The following NDUFAF2 variants were observed in gnomAD, a reference collection of about 807,000 sequenced individuals.
The protein encoded by NDUFAF2 is NADH dehydrogenase [ubiquinone] 1 alpha subcomplex assembly factor 2.
A neutral mutation model predicts 22.8 loss-of-function variants in NDUFAF2; 13 were observed. That is an observed-to-expected ratio of 0.57 (90% CI 0.37 to 0.91). The LOEUF is 0.91. Among genes scored for constraint, NDUFAF2 ranks in the 40% least tolerant of loss-of-function variants. The probability of loss-of-function intolerance (pLI) is 0.01; values close to 1 mark genes in which losing one functional copy is unlikely to be tolerated. For missense variants in NDUFAF2, 162 were observed against 195.2 expected, an observed-to-expected ratio of 0.83 and a Z score of 1.01; for synonymous variants, 53 against 64.2, an observed-to-expected ratio of 0.83 and a Z score of 0.84.
At chr5:61,000,842 G>A (rs933669568) in intron 1 of NDUFAF2, among the ~76,000 whole-genome samples, 3 of 152,264 alleles carry the variant, frequency 2.0e-5, no homozygotes, top group African/African-American at 7.2e-5. Context: ...CTCCACTCAT[G>A]TTAGTATAAG....
chr5:60,947,103 A>G (rs1217948593), intron 1 of NDUFAF2, among the ~76,000 whole-genome samples: 1 of 152,170 alleles, frequency 6.6e-6, no homozygotes, highest in Admixed American at 6.5e-5. Flanking sequence ...GATTTGTGTG[A>G]ACGTAAGTTT....
intron 1 of NDUFAF2, among the ~76,000 whole-genome samples, chr5:60,966,752 T>C (rs560481734): frequency 1.8e-4 from 28 of 152,106 alleles, no homozygotes; most frequent in East Asian, 7.7e-4. Context: ...TTTAGCCTTA[T>C]AGTAGATTTT....
At chr5:60,988,027 T>C (rs779255031) in intron 1 of NDUFAF2, among the ~76,000 whole-genome samples, 1 of 152,138 alleles carries the variant, frequency 6.6e-6, no homozygotes, top group Non-Finnish European at 1.5e-5. Context: ...GAAAACCCCA[T>C]ACTCCTGGCC....
chr5:61,078,234 T>TTA (rs1752393918), intron 2 of NDUFAF2, among the ~76,000 whole-genome samples: 1 of 149,916 alleles, frequency 6.7e-6, no homozygotes. Context: ...GATCCTTACC[T>TTA]TATTCATTTT....
rs896380815 is a variant in NDUFAF2 at position 60,979,762 on chromosome 5, A to G, written c.127+34380A>G. 3.3e-5 allele frequency among the ~76,000 whole-genome samples: 5 copies of G among 152,328 alleles called. No homozygotes were observed. In the South Asian group the frequency reaches 1.0e-3, roughly 32 times the overall value. ...CTTGCTCCCCTGAAGCAAACAGGAC[A>G]TAAGCCTGGCTGGATTTGTCACCTG... is the stretch of plus-strand genomic sequence containing the variant. On this transcript the variant is annotated intron_variant, in intron 1 of 3. Transcript: ENST00000296597.
chr5:61,146,747 C>A (rs1355100103), intron 3 of NDUFAF2, among the ~76,000 whole-genome samples: 1 of 152,148 alleles, frequency 6.6e-6, no homozygotes, highest in Non-Finnish European at 1.5e-5. Flanking sequence ...ATTTTCTCTT[C>A]TCCTTCCATG....
intron 2 of NDUFAF2, among the ~76,000 whole-genome samples, chr5:61,074,892 G>A (rs948676709): frequency 7.2e-5 from 11 of 152,332 alleles, no homozygotes; most frequent in African/African-American, 2.6e-4. Flanking sequence ...AGGCGAAGGG[G>A]AGGCAAGCAC....
At chr5:61,013,085 A>G (rs558960897) in intron 1 of NDUFAF2, among the ~76,000 whole-genome samples, 34 of 152,240 alleles carry the variant, frequency 2.2e-4, no homozygotes, top group Middle Eastern at 3.4e-3. Context: ...AATTATCTTC[A>G]TATTGGGGTA....
intron 1 of NDUFAF2, among the ~76,000 whole-genome samples, chr5:61,008,639 G>T (rs79395790): frequency 0.024 from 3,717 of 152,190 alleles, 159 homozygotes; most frequent in African/African-American, 0.083. Flanking sequence ...AGGGCTTGGT[G>T]TATCAGTATT....
chr5:60,964,721 G>T (rs1039086067), intron 1 of NDUFAF2, among the ~76,000 whole-genome samples: 2 of 151,972 alleles, frequency 1.3e-5, no homozygotes, highest in African/African-American at 2.4e-5. Flanking sequence ...CAAAGCGCTG[G>T]GATTACAGGT....
At chr5:61,090,160 C>T (rs1323338713) in intron 2 of NDUFAF2, among the ~76,000 whole-genome samples, 1 of 151,874 alleles carries the variant, frequency 6.6e-6, no homozygotes, top group East Asian at 1.9e-4. Context: ...AGTGTTTTTG[C>T]ATCAAAATAT....
chr5:60,971,143 C>G lies in NDUFAF2; in HGVS notation c.127+25761C>G, dbSNP rs532484062. ...GAATCACAACCTCTATTTCTTTTTT[C>G]GTTTTTTTTTTAAATTGTACTTTAA... On this transcript the variant is annotated intron_variant, in intron 1 of 3. Coordinates refer to ENST00000296597, the MANE Select transcript of NDUFAF2 (RefSeq NM_174889.5). Among the ~76,000 whole-genome samples the G allele has an allele frequency of 6.4e-4, 61 of 96,058 alleles. No individual in the cohort carries two copies. The South Asian group carries it at 0.014, about 22-fold the overall frequency. The allele number at this position is 96,058 out of a possible 152,430, so 63.0% of individuals were successfully genotyped here.
At chr5:60,952,469 C>T (rs921126774) in intron 1 of NDUFAF2, among the ~76,000 whole-genome samples, 1 of 151,720 alleles carries the variant, frequency 6.6e-6, no homozygotes, top group African/African-American at 2.4e-5. Flanking sequence ...GAAGTATGTT[C>T]TTTACAAATA....
intron 1 of NDUFAF2, among the ~76,000 whole-genome samples, chr5:60,954,162 C>G (rs766335562): frequency 2.2e-4 from 34 of 152,194 alleles, no homozygotes; most frequent in Non-Finnish European, 4.9e-4. Flanking sequence ...TGTCTCTGGT[C>G]CCAAGTCATT....
chr5:61,061,755 G>A (rs74950405), intron 1 of NDUFAF2, among the ~76,000 whole-genome samples: 2,055 of 152,306 alleles, frequency 0.013, 22 homozygotes, highest in Non-Finnish European at 0.02. Context: ...GGATCCCAGT[G>A]CTGCCTTGGC....
At chr5:61,001,544 T>C (rs929573486) in intron 1 of NDUFAF2, among the ~76,000 whole-genome samples, 2 of 152,154 alleles carry the variant, frequency 1.3e-5, no homozygotes, top group Non-Finnish European at 2.9e-5. Context: ...ACAGAGTTTG[T>C]CTTTAAGATA....
rs141446715 is a variant in NDUFAF2, at chr5:61,009,323, G to T, written c.128-63802G>T. On this transcript the variant is annotated intron_variant, in intron 1 of 3. Transcript: ENST00000296597. ...GCATTTAATTTGCTATTGTGCACTG[G>T]AATTCTCCAAGAGGGAAAGTAGAGG... 1.4e-3 allele frequency among the ~76,000 whole-genome samples: 217 copies of T among 152,116 alleles called. 1 individual carries two copies. The highest frequency in any genetic ancestry group is 5.0e-3 in the African/African-American group (209 of 41,530).
intron 1 of NDUFAF2, among the ~76,000 whole-genome samples, chr5:60,991,456 C>A (rs1339024264): frequency 6.6e-6 from 1 of 152,124 alleles, no homozygotes; most frequent in Non-Finnish European, 1.5e-5. Context: ...ACTTACCCTA[C>A]TACCCTTCCC....
chr5:60,968,451 A>C (rs1333085442), intron 1 of NDUFAF2, among the ~76,000 whole-genome samples: 1 of 151,720 alleles, frequency 6.6e-6, no homozygotes, highest in African/African-American at 2.4e-5. Context: ...GATTTTTTTA[A>C]TGTAAGTGTT....
Sources: allele counts gnomAD v4.1 joint callset (sites outside exome capture counted in the v4.1 genomes callset), GRCh38; gene constraint gnomAD v4.1.1; transcripts MANE v1.5; gene names NCBI Gene and HGNC (gene_info 2026-07-23, HGNC 2026-07-21).